The following IL4I1 variants were observed in gnomAD, a reference collection of about 807,000 sequenced individuals.
The protein encoded by IL4I1 is L-amino-acid oxidase.
Under a neutral mutation model 29.7 loss-of-function variants are expected in IL4I1, and 24 were observed. The ratio of observed to expected loss-of-function variants is 0.81; its 90% CI spans 0.59 to 1.14. The LOEUF is 1.14. Among genes scored for constraint, IL4I1 ranks in the 50% most tolerant of loss-of-function variants. The pLI is 0.00. For synonymous variants in IL4I1, 371 were observed against 352.5 expected (o/e 1.05, Z -0.59); for missense variants, 686 against 785.6 (o/e 0.87, Z 1.52).
At chr19:49,919,408 G>A (rs1185067826) in intron 2 of IL4I1, among the ~76,000 whole-genome samples, 3 of 151,890 alleles carry the variant, frequency 2.0e-5, no homozygotes, top group African/African-American at 7.3e-5. Flanking sequence ...TGTTCTTTAT[G>A]TATCTTAGAA....
chr19:49,897,968 G>A (rs2075233271), upstream of IL4I1, among the ~76,000 whole-genome samples: 1 of 152,226 alleles, frequency 6.6e-6, no homozygotes, highest in Non-Finnish European at 1.5e-5. Flanking sequence ...GGGAGGCCGT[G>A]GCAAAGGGAA....
chr19:49,906,702 A>G (rs1416239314), intron 2 of IL4I1: 4 of 152,206 alleles, frequency 2.6e-5, no homozygotes, highest in Admixed American at 6.5e-5. Flanking sequence ...ATGTCTATGC[A>G]AGCACTACTT....
chr19:49,915,395 G>A (rs1435722980), intron 2 of IL4I1, among the ~76,000 whole-genome samples: 1 of 152,200 alleles, frequency 6.6e-6, no homozygotes, highest in East Asian at 1.9e-4. Flanking sequence ...CTTTGAAGAT[G>A]AGGGGGCCAC....
chr19:49,922,546 G>C (rs888507021), intron 2 of IL4I1, among the ~76,000 whole-genome samples: 2 of 152,040 alleles, frequency 1.3e-5, no homozygotes, highest in Middle Eastern at 3.4e-3. Context: ...CTTGGAATGA[G>C]GGCTGGGTTC....
At chr19:49,928,394 G>A (rs542986919) in intron 1 of IL4I1, 2 of 152,218 alleles carry the variant, frequency 1.3e-5, no homozygotes, top group Admixed American at 1.3e-4. Flanking sequence ...GCGGGCGCCT[G>A]TAGTCCCAGC....
Position 49,908,856 on chromosome 19 carries a change from C to T in IL4I1, c.-227-4535G>A, listed in dbSNP as rs139269985. 5.6e-5 allele frequency: 91 copies of T among 1,612,016 alleles called. 1 individual carries two copies. The African/African-American group carries it at 7.2e-4, about 13-fold the overall frequency. ...GAGCTGGCAGCCGCCCCTGCAGCTG[C>T]GCCAGGGCCAGGTGGAGCGGTCACG... On this transcript the variant is annotated intron_variant, in intron 2 of 9. Transcript: ENST00000341114.
rs1383053743 is a variant in IL4I1 at position 49,908,903 on chromosome 19, A to C, written c.-227-4582T>G. 1.9e-6 allele frequency: 3 copies of C among 1,608,052 alleles called. No homozygotes were observed. The African/African-American group carries it at 4.0e-5, about 21-fold the overall frequency. ...CACGGCAGCTGCTGTATTGCTGGGG[A>C]TCCCGGCTGGCGCCAGTGGTTTTAA... On this transcript the variant is annotated intron_variant, in intron 2 of 9. Coordinates refer to the IL4I1 transcript ENST00000341114.
chr19:49,910,248 C>T (rs1600505359), intron 2 of IL4I1, among the ~76,000 whole-genome samples: 1 of 152,010 alleles, frequency 6.6e-6, no homozygotes, highest in African/African-American at 2.4e-5. Flanking sequence ...AGGACCTGCT[C>T]CCAGCGTGGG....
chr19:49,910,967 G>A (rs2075448032), intron 2 of IL4I1: 1 of 152,266 alleles, frequency 6.6e-6, no homozygotes, highest in Non-Finnish European at 1.5e-5. Flanking sequence ...GCAGTGACAT[G>A]ATCACAACTC....
rs367638147 is a variant in IL4I1 at position 49,893,884 on chromosome 19, G to A, written c.567+384C>T. Among the ~76,000 whole-genome samples the A allele has an allele frequency of 9.2e-5, 14 of 151,752 alleles. No individual in the cohort carries two copies. The South Asian group carries it at 1.5e-3, about 16-fold the overall frequency. On this transcript the variant is annotated intron_variant, in intron 5 of 7. Transcript: ENST00000391826. ...CGCCTGTAATCCCAGCTACTCGGGA[G>A]GCTGAGGCAGAGAATTGCTTGAACC...
rs559266842 is a variant in IL4I1, at chr19:49,918,078, C to CTT, written c.-228+9614_-228+9615dup. Among the ~76,000 whole-genome samples the CTT allele has an allele frequency of 4.5e-5, 6 of 132,618 alleles. No homozygotes were observed. In the East Asian group the frequency reaches 1.2e-3, roughly 27 times the overall value. The allele number at this position is 132,618 out of a possible 152,430, so 87.0% of individuals were successfully genotyped here. On this transcript the variant is annotated intron_variant, in intron 2 of 9. Transcript: ENST00000341114. ...ATGGAGAGGGTCTGCTTTCCTTTTT[C>CTT]TTTTTTTTTTTTTGAGACAGAGTCT...
In IL4I1 at chr19:49,895,143, C is replaced by A; in HGVS notation, c.290G>T (p.Arg97Leu). The A allele has an allele frequency of 6.2e-7, 1 of 1,613,768 alleles. No homozygotes were observed. Among genetic ancestry groups the A allele is most frequent in the South Asian group, 1.1e-5 (1 of 91,082 alleles). ...ILEADNRIGG[R>L]IFTYRDQNTG... ...GTTCTGGTCCCGGTAGGTGAAGATG[C>A]GGCCCCCGATCCTGTTATCTGCCTC... Residue 97 changes from arginine to leucine, a missense_variant, in exon 4 of 8, where the codon CGC becomes CTC. Transcript: ENST00000391826.
chr19:49,895,797 G>A lies in IL4I1; in HGVS notation c.252+18C>T, dbSNP rs746144169. The A allele has an allele frequency of 1.2e-6, 2 of 1,604,676 alleles. No individual in the cohort carries two copies. The highest frequency in any genetic ancestry group is 1.7e-6 in the Non-Finnish European group (2 of 1,174,232). ...CAGCAGGAGGGACTCCAGGTAGACTGCAAGCAGTGCTTCCCACCTTGTGTC... is the reference window on the plus strand; with the variant it reads ...CAGCAGGAGGGACTCCAGGTAGACTACAAGCAGTGCTTCCCACCTTGTGTC... On this transcript the variant is annotated intron_variant, in intron 3 of 7. Transcript: ENST00000391826.
chr19:49,897,526 A>G (rs1394633378), upstream of IL4I1, among the ~76,000 whole-genome samples: 1 of 152,110 alleles, frequency 6.6e-6, no homozygotes, highest in East Asian at 1.9e-4. Context: ...AATCCAGGTT[A>G]AGTTCTGTGG....
At chr19:49,925,525 T>C (rs1951809075) in intron 2 of IL4I1, among the ~76,000 whole-genome samples, 2 of 151,046 alleles carry the variant, frequency 1.3e-5, no homozygotes, top group South Asian at 2.1e-4. Flanking sequence ...CAAAACCAAA[T>C]GGAAGCACAT....
In IL4I1 at chr19:49,891,411, C is replaced by G. The variant is rs369542657; in HGVS notation, c.630G>C (p.Thr210=). Residue 210 remains threonine (T), a synonymous_variant, in exon 6 of 8, where the codon ACG becomes ACC. Transcript: ENST00000391826. The stretch of plus-strand genomic sequence containing the variant: ...AACCAAGATCCCCACTTACCAAGAG[C>G]GTGTGCCTTTCAAACTTCTTCATCG... ...RKAMKKFERH[T]LLEYLLGEGN... 2.5e-6 allele frequency: 4 copies of G among 1,614,028 alleles called. No homozygotes were observed. The highest frequency in any genetic ancestry group is 2.2e-5 in the South Asian group (2 of 91,086).
At position 49,891,045 on chromosome 19, in the gene IL4I1, C is replaced by T; in HGVS notation, c.699G>A (p.Met233Ile). 2 of 1,613,260 alleles carry T rather than the reference C, an allele frequency of 1.2e-6. No individual in the cohort carries two copies. The highest frequency in any genetic ancestry group is 2.2e-5 in the East Asian group (1 of 44,798). ...TGAGATAGAAGAAGCCATCCTCGGA[C>T]ATCACGTCTCCCAGAAGCTGCACGG... ...RPAVQLLGDVMSEDGFFYLSF... is the reference protein window; with the variant it reads ...RPAVQLLGDVISEDGFFYLSF... The change falls in exon 7 of 8, where the codon ATG becomes ATA. Residue 233 changes from methionine (M) to isoleucine (I), a missense_variant. Transcript: ENST00000391826.
In IL4I1 at chr19:49,913,737, T is replaced by C. The variant is rs1258003356; in HGVS notation, c.-227-9416A>G. On this transcript the variant is annotated intron_variant, in intron 2 of 9. Coordinates refer to the IL4I1 transcript ENST00000341114. ...CGTGACTGTGAGTAGAAAGCTTTGC[T>C]GAGCTCTGTGAGTCTTAGCTCATCA... 2.6e-5 allele frequency among the ~76,000 whole-genome samples: 4 copies of C among 152,324 alleles called. No homozygotes were observed. The South Asian group carries it at 6.2e-4, about 24-fold the overall frequency.
At position 49,912,568 on chromosome 19, in the gene IL4I1, C is replaced by T. The variant is rs747618548; in HGVS notation, c.-227-8247G>A. ...CCCATACTGATCCAGCCCTGATCCA[C>T]GCAGTTTAGATATGGCCAGGTGAGG... On this transcript the variant is annotated intron_variant, in intron 2 of 9. Transcript: ENST00000341114. 5.3e-4 allele frequency among the ~76,000 whole-genome samples: 81 copies of T among 152,276 alleles called. 1 individual carries two copies. The highest frequency in any genetic ancestry group is 7.8e-4 in the Non-Finnish European group (53 of 68,020).
Sources: gnomAD v4.1 joint callset for allele counts (sites outside exome capture counted in the v4.1 genomes callset) on GRCh38, gnomAD v4.1.1 for gene constraint, MANE v1.5 for transcripts, NCBI Gene and HGNC (gene_info 2026-07-23, HGNC 2026-07-21) for gene names.